INPP5F: variants seen among roughly 807,000 people sequenced by gnomAD.
INPP5F encodes the protein inositol polyphosphate-5-phosphatase F, also known as phosphatidylinositide 4-phosphatase SAC2.
INPP5F carries 97 observed loss-of-function variants against 137.2 expected under a neutral mutation model. The observed-to-expected ratio is 0.71, with a 90% CI of 0.60 to 0.84. The LOEUF (loss-of-function observed/expected upper bound fraction) is 0.84. Ranked by LOEUF, INPP5F falls within the 40% of genes least tolerant of loss-of-function variation. The probability of loss-of-function intolerance (pLI) is 0.00; values close to 1 mark genes in which losing one functional copy is unlikely to be tolerated. For missense variants in INPP5F, 1,271 were observed against 1,371.9 expected (o/e 0.93, Z 1.16); for synonymous variants, 504 against 476.9 (o/e 1.06, Z -0.74).
intron 2 of INPP5F, among the ~76,000 whole-genome samples, chr10:119,773,572 CCTT>C (rs1849430436): frequency 6.6e-6 from 1 of 152,142 alleles, no homozygotes; most frequent in Admixed American, 6.5e-5. Context: ...CATTCTTTTC[CCTT>C]CTTTATCATC....
chr10:119,799,776 T>G (rs568300425), intron 9 of INPP5F, among the ~76,000 whole-genome samples: 44 of 152,288 alleles, frequency 2.9e-4, no homozygotes, highest in African/African-American at 1.0e-3. Flanking sequence ...ATTATGAACC[T>G]AAATGTGAAA....
At chr10:119,742,349 G>T (rs1482903714) in intron 1 of INPP5F, among the ~76,000 whole-genome samples, 1 of 151,882 alleles carries the variant, frequency 6.6e-6, no homozygotes, top group Non-Finnish European at 1.5e-5. Context: ...GTAGAGACAG[G>T]GTTTCACCAT....
chr10:119,783,287 A>G (rs555802636), intron 3 of INPP5F, among the ~76,000 whole-genome samples: 153 of 152,332 alleles, frequency 1.0e-3, no homozygotes, highest in African/African-American at 3.6e-3. Flanking sequence ...ACACTGAAAG[A>G]TCAGGATGGC....
chr10:119,784,655 G>A (rs1013462411), intron 3 of INPP5F, among the ~76,000 whole-genome samples: 2 of 151,940 alleles, frequency 1.3e-5, no homozygotes, highest in Non-Finnish European at 2.9e-5. Flanking sequence ...TCTTTTTATC[G>A]CAAATATATG....
At chr10:119,739,987 T>G (rs540579537) in intron 1 of INPP5F, among the ~76,000 whole-genome samples, 1 of 152,278 alleles carries the variant, frequency 6.6e-6, no homozygotes, top group South Asian at 2.1e-4. Flanking sequence ...GTATTAGAAG[T>G]TATTTCTACC....
Position 119,799,169 on chromosome 10 carries a change from C to G in INPP5F, c.1116+559C>G, listed in dbSNP as rs1189787920. The G allele has an allele frequency of 4.1e-5, 9 of 219,132 alleles. No homozygotes were observed. In the Admixed American group the frequency reaches 5.1e-4, roughly 12 times the overall value. 13.6% of individuals were successfully genotyped at this position (219,132 alleles called of 1,614,324 possible). On this transcript the variant is annotated intron_variant, in intron 9 of 19. Coordinates refer to ENST00000650623, the MANE Select transcript of INPP5F (RefSeq NM_014937.4). ...TGTATAAACCAAAATCAACTGAAAA[C>G]TGGTAGGTGAGATACAAGTTCAATG...
intron 2 of INPP5F, among the ~76,000 whole-genome samples, chr10:119,757,539 C>T (rs1848885522): frequency 6.6e-6 from 1 of 152,056 alleles, no homozygotes; most frequent in East Asian, 1.9e-4. Flanking sequence ...CACCTGTAAT[C>T]CTAGCACTTT....
chr10:119,755,736 C>T (rs1394644398), intron 2 of INPP5F, among the ~76,000 whole-genome samples: 3 of 152,218 alleles, frequency 2.0e-5, no homozygotes, highest in African/African-American at 4.8e-5. Context: ...TGAAAGATCA[C>T]ACAATTGCCT....
At chr10:119,795,259 AC>A (rs552193173) in intron 6 of INPP5F, among the ~76,000 whole-genome samples, 1 of 145,516 alleles carries the variant, frequency 6.9e-6, no homozygotes, top group South Asian at 2.2e-4. Flanking sequence ...CGGGGGGCTG[AC>A]CCCCCTACCT....
chr10:119,819,373 A>G lies in INPP5F; in HGVS notation c.1887-1473A>G, dbSNP rs142898514. On this transcript the variant is annotated intron_variant, in intron 15 of 19. Transcript: ENST00000650623. ...GTGCCAAGTGCTTTTTGTTAAGGAC[A>G]TAATGTTTTTGACTGGGGATCATGT... 489 of 1,365,568 alleles carry G rather than the reference A, an allele frequency of 3.6e-4. 5 individuals carry two copies. In the African/African-American group the frequency reaches 6.4e-3, roughly 18 times the overall value. The allele number at this position is 1,365,568 out of a possible 1,614,324, so 84.6% of individuals were successfully genotyped here.
intron 12 of INPP5F, 44 bp downstream of exon 12, chr10:119,806,524 CTT>C (rs201734045): frequency 1.3e-6 from 2 of 1,507,476 alleles, no homozygotes; most frequent in Non-Finnish European, 1.8e-6. Context: ...TTTCGAAATG[CTT>C]TTTTTTTCCA....
rs1481608238 is a variant in INPP5F, at chr10:119,811,771, A to G, written c.1702A>G (p.Ile568Val). The change falls in exon 15 of 20, where the codon ATT becomes GTT. Residue 568 changes from isoleucine to valine, a missense_variant. Around this residue, in one of 6 missense-constraint regions of INPP5F, gnomAD observed 593 missense variants for 712.4 expected, o/e 0.83. Coordinates refer to ENST00000650623, the MANE Select transcript of INPP5F (RefSeq NM_014937.4). ...RQAVIDLMQG[I>V]PVTEDLYSIF... ...TTCCACCCTAGATTTGATGCAAGGC[A>G]TTCCAGTGACAGAAGATCTTTATTC... The G allele has an allele frequency of 1.2e-6, 2 of 1,613,606 alleles. No homozygotes were observed. The highest frequency in any genetic ancestry group is 1.7e-6 in the Non-Finnish European group (2 of 1,179,626).
Position 119,726,221 on chromosome 10 carries a change from G to C in INPP5F, c.-42G>C. 7.5e-7 allele frequency: 1 copy of C among 1,337,150 alleles called. No individual in the cohort carries two copies. The highest frequency in any genetic ancestry group is 9.8e-7 in the Non-Finnish European group (1 of 1,018,602). The allele number at this position is 1,337,150 out of a possible 1,614,324, so 82.8% of individuals were successfully genotyped here. On this transcript the variant is annotated 5_prime_UTR_variant, in exon 1 of 20. Transcript: ENST00000650623. ...CTCGACCGACTAGGACGCCCCGTGC[G>C]CCGCCCGCGGGCCGCCGCCTCCCTG...
At chr10:119,770,053 G>A (rs10510058) in intron 2 of INPP5F, among the ~76,000 whole-genome samples, 8,565 of 152,146 alleles carry the variant, frequency 0.056, 319 homozygotes, top group Admixed American at 0.1. Flanking sequence ...TCTAAGTCAA[G>A]CAATTGAATC....
intron 6 of INPP5F, among the ~76,000 whole-genome samples, chr10:119,795,044 C>T (rs1850303509): frequency 7.4e-6 from 1 of 135,174 alleles, no homozygotes; most frequent in Non-Finnish European, 1.6e-5. Context: ...CCCCACCTCC[C>T]TCCCGGATGG....
intron 2 of INPP5F, chr10:119,768,432 C>G (rs1055289186): frequency 2.0e-5 from 3 of 152,164 alleles, no homozygotes; most frequent in East Asian, 1.9e-4. Context: ...TGAACTGGCC[C>G]AGATCAGAAA....
intron 9 of INPP5F, among the ~76,000 whole-genome samples, chr10:119,799,095 GT>G (rs1459840440): frequency 2.0e-5 from 3 of 152,032 alleles, no homozygotes; most frequent in Non-Finnish European, 4.4e-5. Flanking sequence ...TTTTCAGTAT[GT>G]TTTTTTCTCT....
intron 13 of INPP5F, among the ~76,000 whole-genome samples, chr10:119,808,729 G>A (rs1458251473): frequency 2.6e-5 from 4 of 152,130 alleles, no homozygotes; most frequent in African/African-American, 9.7e-5. Flanking sequence ...CAGTCTGAGG[G>A]CGTTGTCCTC....
intron 2 of INPP5F, among the ~76,000 whole-genome samples, chr10:119,780,424 A>G (rs1289224197): frequency 2.0e-5 from 3 of 152,096 alleles, no homozygotes; most frequent in Admixed American, 2.0e-4. Context: ...AAAAAGTACA[A>G]AAATTAGCTG....
Sources: allele counts gnomAD v4.1 joint callset (sites outside exome capture counted in the v4.1 genomes callset), GRCh38; gene constraint gnomAD v4.1.1; regional missense constraint gnomAD v4.1.1; transcripts MANE v1.5; gene names NCBI Gene and HGNC (gene_info 2026-07-23, HGNC 2026-07-21).